TMEM232: variants seen among roughly 807,000 people sequenced by gnomAD.
The protein encoded by TMEM232 is transmembrane protein 232.
A neutral mutation model predicts 78.8 loss-of-function variants in TMEM232; 80 were observed. That is an observed-to-expected ratio of 1.01 (90% CI 0.85 to 1.22). The LOEUF is 1.22. Among genes scored for constraint, TMEM232 ranks in the 50% most tolerant of loss-of-function variants. The pLI, the probability that TMEM232 is intolerant of heterozygous loss-of-function variation, is 0.00. For synonymous variants in TMEM232, 297 were observed against 254.3 expected (o/e 1.17, Z -1.60); for missense variants, 881 against 742.2 (o/e 1.19, Z -2.17).
intron 4 of TMEM232, among the ~76,000 whole-genome samples, chr5:110,640,677 G>A (rs1376800948): frequency 6.6e-6 from 1 of 152,044 alleles, no homozygotes; most frequent in Non-Finnish European, 1.5e-5. Context: ...ACTATGCTGA[G>A]TAAAGTTTTT....
intron 1 of TMEM232, among the ~76,000 whole-genome samples, chr5:110,719,728 T>G (rs890439564): frequency 2.3e-4 from 35 of 152,112 alleles, no homozygotes; most frequent in Admixed American, 1.1e-3. Context: ...CTTCAGAGGG[T>G]ACAGCCTTGG....
chr5:110,524,345 G>GAA lies in TMEM232; in HGVS notation c.1703+4242_1703+4243insTT, dbSNP rs1307224142. Among the ~76,000 whole-genome samples, 4 of 107,082 alleles carry GAA rather than the reference G, an allele frequency of 3.7e-5. 1 individual carries two copies. The South Asian group carries it at 1.2e-3, about 33-fold the overall frequency. 70.2% of individuals were successfully genotyped at this position (107,082 alleles called of 152,430 possible). ...GAAGGAAGGGAGAGAGAAAAAGAAA[G>GAA]AGAAAGAAAGAAAGAAAAAAAGAAA... On this transcript the variant is annotated intron_variant, in intron 12 of 13. Coordinates refer to ENST00000455884, the MANE Select transcript of TMEM232 (RefSeq NM_001039763.4).
intron 11 of TMEM232, among the ~76,000 whole-genome samples, chr5:110,530,875 T>A (rs1771360976): frequency 6.6e-6 from 1 of 152,148 alleles, no homozygotes; most frequent in African/African-American, 2.4e-5. Context: ...AAAAAAGAAA[T>A]AATAACTATA....
intron 12 of TMEM232, among the ~76,000 whole-genome samples, chr5:110,466,021 T>TA (rs1244550031): frequency 2.6e-5 from 4 of 152,142 alleles, no homozygotes; most frequent in Non-Finnish European, 5.9e-5. Context: ...AATAGCAGAT[T>TA]AAAAATATAT....
At chr5:110,627,213 T>C (rs1006813092) in intron 6 of TMEM232, among the ~76,000 whole-genome samples, 7 of 152,050 alleles carry the variant, frequency 4.6e-5, no homozygotes, top group African/African-American at 1.7e-4. Flanking sequence ...TCTTTACATA[T>C]AGCTTAGATT....
chr5:110,644,599 T>C (rs936895376), intron 2 of TMEM232, among the ~76,000 whole-genome samples: 14 of 151,836 alleles, frequency 9.2e-5, no homozygotes, highest in African/African-American at 2.9e-4. Flanking sequence ...CCAAAACTTC[T>C]GGGATGCAGC....
chr5:110,541,143 ACT>A (rs1381270655), intron 11 of TMEM232, among the ~76,000 whole-genome samples: 1 of 152,042 alleles, frequency 6.6e-6, no homozygotes, highest in Non-Finnish European at 1.5e-5. Context: ...ACCCTGCCTG[ACT>A]CTTTCCATAT....
chr5:110,585,443 T>G (rs1385429632), intron 10 of TMEM232, among the ~76,000 whole-genome samples: 1 of 152,136 alleles, frequency 6.6e-6, no homozygotes, highest in Non-Finnish European at 1.5e-5. Context: ...CTCCATAGAT[T>G]AAGCTTTAAT....
chr5:110,644,412 G>C (rs566332781), intron 2 of TMEM232, among the ~76,000 whole-genome samples: 44 of 151,940 alleles, frequency 2.9e-4, no homozygotes, highest in South Asian at 8.3e-4. Flanking sequence ...TAACAGTGCT[G>C]TTTTTAATAA....
At chr5:110,555,877 C>T (rs1182978034) in intron 11 of TMEM232, among the ~76,000 whole-genome samples, 2 of 152,080 alleles carry the variant, frequency 1.3e-5, no homozygotes, top group Non-Finnish European at 2.9e-5. Flanking sequence ...CACTTTGAAC[C>T]TATAGGTATC....
intron 13 of TMEM232, among the ~76,000 whole-genome samples, chr5:110,423,780 C>CAT (rs1554075233): frequency 1.4e-5 from 2 of 142,390 alleles, no homozygotes. Context: ...TTTATGCGTG[C>CAT]GTGTGTGTGT....
chr5:110,431,366 T>A (rs1757824135), intron 12 of TMEM232, among the ~76,000 whole-genome samples: 1 of 150,734 alleles, frequency 6.6e-6, no homozygotes, highest in Non-Finnish European at 1.5e-5. Flanking sequence ...TATGTTTGAA[T>A]CACATGTAGA....
chr5:110,705,262 G>T (rs1795812147), intron 1 of TMEM232, among the ~76,000 whole-genome samples: 1 of 152,096 alleles, frequency 6.6e-6, no homozygotes, highest in Non-Finnish European at 1.5e-5. Context: ...CACAGCACTG[G>T]CCAGCTAAGG....
intron 12 of TMEM232, among the ~76,000 whole-genome samples, chr5:110,461,544 TGAA>T (rs1234555513): frequency 2.6e-5 from 4 of 152,188 alleles, no homozygotes; most frequent in Non-Finnish European, 4.4e-5. Flanking sequence ...AGATAATTGA[TGAA>T]GGTGGCTACA....
intron 2 of TMEM232, among the ~76,000 whole-genome samples, chr5:110,652,011 AT>A (rs1788384230): frequency 6.6e-6 from 1 of 152,140 alleles, no homozygotes; most frequent in South Asian, 2.1e-4. Context: ...ACTGCTTGAA[AT>A]GTATAAAATG....
At chr5:110,475,084 T>C (rs1444307509) in intron 12 of TMEM232, among the ~76,000 whole-genome samples, 1 of 151,946 alleles carries the variant, frequency 6.6e-6, no homozygotes, top group Non-Finnish European at 1.5e-5. Context: ...AAATATTTTA[T>C]TAAGATTCAT....
chr5:110,600,331 C>T (rs7713654), intron 10 of TMEM232, among the ~76,000 whole-genome samples: 32,398 of 151,874 alleles, frequency 0.21, 5,106 homozygotes, highest in African/African-American at 0.45. Flanking sequence ...CTGAAGGAGA[C>T]AGAGACACAA....
At chr5:110,644,346 T>A (rs1787161057) in intron 2 of TMEM232, among the ~76,000 whole-genome samples, 1 of 151,934 alleles carries the variant, frequency 6.6e-6, no homozygotes, top group South Asian at 2.1e-4. Flanking sequence ...AAAAGCCCCT[T>A]CATCCATTTA....
chr5:110,419,599 G>A lies in TMEM232; in HGVS notation c.*981C>T, dbSNP rs311696. Among the ~76,000 whole-genome samples the A allele has an allele frequency of 0.27, 41,431 of 151,888 alleles. 9,316 individuals carry two copies. Among genetic ancestry groups the A allele is most frequent in the African/African-American group, 0.61 (25,103 of 41,406 alleles). Reference sequence around the variant, plus strand: ...CTGACATACATTTTGGAATGTAACCGAGTGATGGGAAATTTCTCTATATGG... The same window carrying A: ...CTGACATACATTTTGGAATGTAACCAAGTGATGGGAAATTTCTCTATATGG... On this transcript the variant is annotated 3_prime_UTR_variant, in exon 14 of 14. Coordinates refer to ENST00000455884, the MANE Select transcript of TMEM232 (RefSeq NM_001039763.4).
Sources: allele counts gnomAD v4.1 joint callset (sites outside exome capture counted in the v4.1 genomes callset), GRCh38; gene constraint gnomAD v4.1.1; transcripts MANE v1.5; gene names NCBI Gene and HGNC (gene_info 2026-07-23, HGNC 2026-07-21).